Variants in SLC28A2 observed in about 807,000 individuals in gnomAD.
SLC28A2 encodes sodium/nucleoside cotransporter 2.
A neutral mutation model predicts 72.9 loss-of-function variants in SLC28A2; 69 were observed. The observed-to-expected ratio is 0.95, with a 90% confidence interval of 0.78 to 1.16. The LOEUF (loss-of-function observed/expected upper bound fraction) is 1.16. Ranked by LOEUF, SLC28A2 falls within the 50% of genes most tolerant of loss-of-function variation. The pLI is 0.00. For synonymous variants in SLC28A2, 296 were observed against 294.1 expected (o/e 1.01, Z -0.07); for missense variants, 745 against 791.1 (o/e 0.94, Z 0.70).
At position 45,269,594 on chromosome 15, in the gene SLC28A2, G is replaced by T. The variant is rs1900479777; in HGVS notation, c.1566+59G>T. The T allele has an allele frequency of 3.4e-6, 5 of 1,482,708 alleles. No individual in the cohort carries two copies. The South Asian group carries it at 3.5e-5, about 10-fold the overall frequency. 91.8% of individuals were successfully genotyped at this position (1,482,708 alleles called of 1,614,324 possible). Reference sequence around the variant, plus strand: ...AGGTCTCAGCCATGGTTATCTGAGGGTAGACAGAAAGTGCCAAACAGGTTT... The same window carrying T: ...AGGTCTCAGCCATGGTTATCTGAGGTTAGACAGAAAGTGCCAAACAGGTTT... On this transcript the variant is annotated intron_variant, in intron 14 of 17. Transcript: ENST00000347644.
intron 14 of SLC28A2, 75 bp from the exon 15 acceptor site, chr15:45,270,119 TG>T: frequency 1.0e-6 from 1 of 999,162 alleles, no homozygotes; most frequent in Non-Finnish European, 1.6e-6. Context: ...GTCAGTACTC[TG>T]GAACTTCTAT....
chr15:45,257,297 C>T (rs541656810), intron 3 of SLC28A2, among the ~76,000 whole-genome samples: 2 of 152,302 alleles, frequency 1.3e-5, no homozygotes, highest in East Asian at 3.9e-4. Context: ...TCCAAACTTC[C>T]ATAACATTCT....
chr15:45,265,538 G>C (rs765996299), intron 8 of SLC28A2, 45 bp from the exon 9 acceptor site: 1 of 1,312,054 alleles, frequency 7.6e-7, no homozygotes, highest in South Asian at 1.2e-5. Context: ...AAAACACAGA[G>C]TATGCAATGT....
chr15:45,272,711 G>C lies in SLC28A2; in HGVS notation c.1786G>C (p.Val596Leu), dbSNP rs764600563. The C allele has an allele frequency of 7.4e-6, 12 of 1,612,778 alleles. No individual in the cohort carries two copies. Among genetic ancestry groups the C allele is most frequent in the South Asian group, 5.5e-5 (5 of 91,036 alleles). ...YVPRGAEADC[V>L]SFPNTSFTNR... ...CCCCAGGGGAGCTGAAGCTGACTGT[G>C]TCTCCTTCCCAAACACAAGTTTCAC... Residue 596 changes from valine (V) to leucine (L), a missense_variant, in exon 17 of 18, where the codon GTC (valine) becomes CTC (leucine). Transcript: ENST00000347644.
chr15:45,268,959 T>C (rs889324879), intron 13 of SLC28A2, among the ~76,000 whole-genome samples: 6 of 136,936 alleles, frequency 4.4e-5, no homozygotes, highest in African/African-American at 1.1e-4. Flanking sequence ...TAGGTGGGAA[T>C]TGAACAATGG....
rs1433510003 is a variant in SLC28A2 at position 45,266,104 on chromosome 15, T to C, written c.885T>C (p.Thr295=). The C allele has an allele frequency of 1.2e-6, 2 of 1,613,626 alleles. No homozygotes were observed. Among genetic ancestry groups the C allele is most frequent in the Non-Finnish European group, 1.7e-6 (2 of 1,179,516 alleles). ...VQKVAWFLQI[T]MGTTATETLA... Reference sequence around the variant, plus strand: ...AGGTCGCCTGGTTTTTACAAATCACTATGGGCACCACTGCTACAGAGACCC... The same window carrying C: ...AGGTCGCCTGGTTTTTACAAATCACCATGGGCACCACTGCTACAGAGACCC... Residue 295 remains threonine, a synonymous_variant, in exon 10 of 18, where the codon ACT becomes ACC. Coordinates refer to ENST00000347644, the MANE Select transcript of SLC28A2 (RefSeq NM_004212.4).
chr15:45,274,744 CTTCT>C (rs1170788230), intron 17 of SLC28A2, among the ~76,000 whole-genome samples: 14 of 144,640 alleles, frequency 9.7e-5, no homozygotes, highest in Admixed American at 4.0e-4. Context: ...CGTTTTGATT[CTTCT>C]TTTTTTTTTT....
chr15:45,264,043 T>C, intron 6 of SLC28A2, 21 bp downstream of exon 6: 4 of 1,601,432 alleles, frequency 2.5e-6, no homozygotes, highest in Non-Finnish European at 3.4e-6. Flanking sequence ...GGTATTTGGG[T>C]TGGGTATAGC....
intron 3 of SLC28A2, among the ~76,000 whole-genome samples, chr15:45,260,520 A>G (rs1900125149): frequency 6.6e-6 from 1 of 152,178 alleles, no homozygotes; most frequent in Non-Finnish European, 1.5e-5. Context: ...TTAAGCATGG[A>G]AAAATGAGGA....
intron 13 of SLC28A2, 93 bp from the exon 14 acceptor site, chr15:45,269,245 A>C: frequency 1.4e-5 from 13 of 953,274 alleles, no homozygotes; most frequent in Non-Finnish European, 2.0e-5. Flanking sequence ...GAAGGGTGGA[A>C]GAGATTGGGC....
At chr15:45,253,090 A>G (rs759206065) in intron 1 of SLC28A2, 110 bp from the exon 2 acceptor site, 1 of 625,120 alleles carries the variant, frequency 1.6e-6, no homozygotes, top group Non-Finnish European at 2.9e-6. Context: ...TAAGCCTTCA[A>G]AGACTTTTAG....
chr15:45,261,859 T>C (rs537804091), intron 3 of SLC28A2, among the ~76,000 whole-genome samples, 156 bp from the exon 4 acceptor site: 2 of 152,342 alleles, frequency 1.3e-5, no homozygotes, highest in East Asian at 3.9e-4. Context: ...CTTTTTGGCA[T>C]TGCAGGACAC....
chr15:45,267,403 G>A, intron 10 of SLC28A2, 52 bp from the exon 11 acceptor site: 1 of 1,608,826 alleles, frequency 6.2e-7, no homozygotes, highest in Non-Finnish European at 8.5e-7. Context: ...GGGCACACTG[G>A]CATGGGGAGT....
At position 45,263,264 on chromosome 15, in the gene SLC28A2, A is replaced by G. The variant is rs1900220417; in HGVS notation, c.446+20A>G. 2 of 1,609,300 alleles carry G rather than the reference A, an allele frequency of 1.2e-6. No homozygotes were observed. On this transcript the variant is annotated intron_variant, in intron 5 of 17. Coordinates refer to ENST00000347644, the MANE Select transcript of SLC28A2 (RefSeq NM_004212.4). ...GAAATGGTAAGATAAGAATCTCAAT[A>G]CCTGGCCTCACAGCTTATCCCAGCC...
chr15:45,265,570 A>G lies in SLC28A2; in HGVS notation c.781-13A>G. On this transcript the variant is annotated splice_polypyrimidine_tract_variant and intron_variant, in intron 8 of 17. Coordinates refer to ENST00000347644, the MANE Select transcript of SLC28A2 (RefSeq NM_004212.4). ...ATGTAACATCTCACCACCTGCTACC[A>G]TTCTCATTACAGGCCTTACCAATCA... The G allele has an allele frequency of 6.3e-7, 1 of 1,595,066 alleles. No homozygotes were observed. The highest frequency in any genetic ancestry group is 8.6e-7 in the Non-Finnish European group (1 of 1,162,622).
chr15:45,253,324 A>AGAGC, intron 2 of SLC28A2, 28 bp downstream of exon 2: 2 of 1,590,918 alleles, frequency 1.3e-6, no homozygotes, highest in South Asian at 2.2e-5. Flanking sequence ...TTCTCTCTGC[A>AGAGC]GAGCTGTGGG....
At chr15:45,261,253 G>A (rs534128474) in intron 3 of SLC28A2, among the ~76,000 whole-genome samples, 3 of 152,234 alleles carry the variant, frequency 2.0e-5, no homozygotes, top group African/African-American at 4.8e-5. Flanking sequence ...ATGTGGCATA[G>A]AATGATGGTT....
At chr15:45,269,613 C>A (rs932789923) in intron 14 of SLC28A2, 78 bp downstream of exon 14, 3 of 1,333,804 alleles carry the variant, frequency 2.2e-6, no homozygotes, top group Non-Finnish European at 3.2e-6. Context: ...AAGTGCCAAA[C>A]AGGTTTGTTG....
chr15:45,272,054 TAA>T (rs886868689), intron 15 of SLC28A2: 2 of 470,400 alleles, frequency 4.3e-6, no homozygotes, highest in African/African-American at 4.0e-5. Flanking sequence ...ACAGAACCAT[TAA>T]AGTGAGGGTC....
Sources: allele counts gnomAD v4.1 joint callset (sites outside exome capture counted in the v4.1 genomes callset), GRCh38; gene constraint gnomAD v4.1.1; transcripts MANE v1.5; gene names NCBI Gene and HGNC (gene_info 2026-07-23, HGNC 2026-07-21).